Variants in ANO2 observed in about 807,000 individuals in gnomAD.
The protein encoded by ANO2 is anoctamin-2.
ANO2 carries 101 observed loss-of-function variants against 124.2 expected under a neutral mutation model. The observed-to-expected ratio is 0.81, with a 90% CI of 0.69 to 0.96. The LOEUF is 0.96. Among genes scored for constraint, ANO2 ranks in the 40% least tolerant of loss-of-function variants. ANO2 has a pLI of 0.00. For missense variants in ANO2, 1,293 were observed against 1,274.5 expected (o/e 1.01, Z -0.22); for synonymous variants, 486 against 482.5 (o/e 1.01, Z -0.09).
chr12:5,596,456 T>G (rs1027035711), intron 20 of ANO2, among the ~76,000 whole-genome samples: 21 of 152,148 alleles, frequency 1.4e-4, no homozygotes, highest in African/African-American at 5.1e-4. Context: ...AAGGTTGGAT[T>G]TGGGAGACAG....
intron 2 of ANO2, 142 bp downstream of exon 2, chr12:5,922,478 G>C (rs1240459618): frequency 2.1e-6 from 2 of 949,478 alleles, no homozygotes; most frequent in African/African-American, 1.7e-5. Flanking sequence ...ACAGAGAAGA[G>C]AAAAGGCCCT....
chr12:5,720,402 A>C (rs1950178605), intron 14 of ANO2, among the ~76,000 whole-genome samples: 1 of 152,148 alleles, frequency 6.6e-6, no homozygotes, highest in South Asian at 2.1e-4. Flanking sequence ...CCTGGAGGGC[A>C]TGTGTGTGTT....
At chr12:5,654,999 GC>G (rs976988703) in intron 14 of ANO2, among the ~76,000 whole-genome samples, 4 of 152,226 alleles carry the variant, frequency 2.6e-5, no homozygotes, top group African/African-American at 9.6e-5. Flanking sequence ...CATCAGGTGT[GC>G]CCCCGTTGCT....
At chr12:5,741,719 T>C (rs1951101702) in intron 12 of ANO2, among the ~76,000 whole-genome samples, 1 of 152,242 alleles carries the variant, frequency 6.6e-6, no homozygotes, top group Non-Finnish European at 1.5e-5. Context: ...CTACATGCTC[T>C]GCATGCACAC....
chr12:5,866,349 T>A (rs1955428020), intron 3 of ANO2, among the ~76,000 whole-genome samples: 1 of 152,152 alleles, frequency 6.6e-6, no homozygotes, highest in Non-Finnish European at 1.5e-5. Flanking sequence ...AAATTGGTTG[T>A]CTTTAGGGAC....
At chr12:5,866,810 C>T (rs973355889) in intron 3 of ANO2, among the ~76,000 whole-genome samples, 9 of 152,234 alleles carry the variant, frequency 5.9e-5, no homozygotes, top group African/African-American at 2.2e-4. Context: ...CAACCCCATA[C>T]TTTCACCCAG....
At chr12:5,715,571 T>C (rs560134843) in intron 14 of ANO2, among the ~76,000 whole-genome samples, 1 of 152,186 alleles carries the variant, frequency 6.6e-6, no homozygotes, top group African/African-American at 2.4e-5. Context: ...CAGTGACACA[T>C]GCAAGAAGAG....
At chr12:5,604,967 T>C (rs546791335) in intron 19 of ANO2, among the ~76,000 whole-genome samples, 1 of 152,160 alleles carries the variant, frequency 6.6e-6, no homozygotes, top group Admixed American at 6.5e-5. Flanking sequence ...TCAGAAACTC[T>C]TTCCGGAAGG....
At chr12:5,606,037 T>G (rs1944204576) in intron 19 of ANO2, among the ~76,000 whole-genome samples, 1 of 152,198 alleles carries the variant, frequency 6.6e-6, no homozygotes, top group African/African-American at 2.4e-5. Context: ...GTCACAGAGC[T>G]GCCTTTCAAG....
At chr12:5,839,557 A>G (rs1200069007) in intron 4 of ANO2, 5 of 455,882 alleles carry the variant, frequency 1.1e-5, no homozygotes, top group Non-Finnish European at 2.2e-5. Flanking sequence ...TGAACATTTA[A>G]TGAAAAAGAA....
chr12:5,786,466 C>A (rs1952543680), intron 10 of ANO2, among the ~76,000 whole-genome samples: 1 of 152,148 alleles, frequency 6.6e-6, no homozygotes, highest in Non-Finnish European at 1.5e-5. Flanking sequence ...ATATCCCTGT[C>A]CCCTTGCCTC....
chr12:5,588,692 A>C lies in ANO2; in HGVS notation c.2234-10174T>G, dbSNP rs3782589. Among the ~76,000 whole-genome samples, 25 of 152,272 alleles carry C rather than the reference A, an allele frequency of 1.6e-4. No individual in the cohort carries two copies. In the East Asian group the frequency reaches 4.6e-3, roughly 28 times the overall value. ...GTCCCTTCCTCAAAAAACATCTAGA[A>C]ATCTAAGAAAGTGAGGGTGGCACTG... On this transcript the variant is annotated intron_variant, in intron 20 of 24. Coordinates refer to ENST00000682330, the MANE Select transcript of ANO2 (RefSeq NM_001364791.2).
At chr12:5,903,868 A>T (rs1470977215) in intron 3 of ANO2, among the ~76,000 whole-genome samples, 1 of 152,144 alleles carries the variant, frequency 6.6e-6, no homozygotes, top group East Asian at 1.9e-4. Flanking sequence ...TTAATGACTG[A>T]ATTAGCTCCC....
intron 24 of ANO2, 118 bp downstream of exon 24, chr12:5,565,440 A>G: frequency 2.2e-6 from 2 of 902,754 alleles, no homozygotes; most frequent in Non-Finnish European, 3.4e-6. Flanking sequence ...CCACACATGA[A>G]GCTTTCTTAT....
At chr12:5,823,184 C>T (rs1318591667) in intron 7 of ANO2, among the ~76,000 whole-genome samples, 1 of 152,206 alleles carries the variant, frequency 6.6e-6, no homozygotes, top group African/African-American at 2.4e-5. Context: ...GCCTTCCCAA[C>T]AGAGTCTTAA....
At position 5,646,071 on chromosome 12, in the gene ANO2, T is replaced by C. The variant is rs114523666; in HGVS notation, c.1620+1656A>G. Among the ~76,000 whole-genome samples, 477 of 152,344 alleles carry C rather than the reference T, an allele frequency of 3.1e-3. 5 individuals are homozygous for C. The highest frequency in any genetic ancestry group is 0.011 in the African/African-American group (450 of 41,586). ...TTCAGTTTCATCTTTACTCTGAACA[T>C]AGCCCTTTGGAGTTCTGATTTAATT... On this transcript the variant is annotated intron_variant, in intron 15 of 24. Coordinates refer to ENST00000682330, the MANE Select transcript of ANO2 (RefSeq NM_001364791.2).
chr12:5,917,046 C>T (rs1176958196), intron 3 of ANO2, among the ~76,000 whole-genome samples: 1 of 152,022 alleles, frequency 6.6e-6, no homozygotes. Context: ...TGAAGAAGTG[C>T]TGAGTGGCCT....
intron 16 of ANO2, among the ~76,000 whole-genome samples, chr12:5,627,514 C>T (rs367752672): frequency 7.2e-4 from 109 of 152,322 alleles, no homozygotes; most frequent in African/African-American, 2.3e-3. Flanking sequence ...GATCAGGCTC[C>T]GCTGCAGAGA....
chr12:5,890,338 T>A (rs1939305429), intron 3 of ANO2, among the ~76,000 whole-genome samples: 1 of 152,218 alleles, frequency 6.6e-6, no homozygotes, highest in Non-Finnish European at 1.5e-5. Flanking sequence ...TCTTAAGCCC[T>A]TTGGGACCCT....
Sources: allele counts gnomAD v4.1 joint callset (sites outside exome capture counted in the v4.1 genomes callset), GRCh38; gene constraint gnomAD v4.1.1; transcripts MANE v1.5; gene names NCBI Gene and HGNC (gene_info 2026-07-23, HGNC 2026-07-21).